Variants in MTMR8 observed in about 807,000 individuals in gnomAD.
The protein encoded by MTMR8 is phosphatidylinositol-3,5-bisphosphate 3-phosphatase MTMR8.
A neutral mutation model predicts 39.3 loss-of-function variants in MTMR8; 65 were observed. The ratio of observed to expected loss-of-function variants is 1.65; its 90% CI spans 1.35 to 2.03. MTMR8 has a LOEUF of 2.03. Among genes scored for constraint, MTMR8 ranks in the 30% most tolerant of loss-of-function variants. MTMR8 has a pLI of 0.00. For missense variants in MTMR8, 777 were observed against 538.9 expected (o/e 1.44, Z -4.37); for synonymous variants, 245 against 185.2 (o/e 1.32, Z -2.62).
At chrX:64,282,533 A>G (rs1039994504) in intron 12 of MTMR8, among the ~76,000 whole-genome samples, 35 of 111,828 alleles carry the variant, frequency 3.1e-4, no homozygotes, top group African/African-American at 1.1e-3. Context: ...GACAACAAAA[A>G]GAATAAAGTT....
intron 1 of MTMR8, among the ~76,000 whole-genome samples, chrX:64,371,467 G>A (rs1034290610): frequency 5.4e-5 from 6 of 111,247 alleles, no homozygotes; most frequent in Admixed American, 9.6e-5. Flanking sequence ...GCTATATCAC[G>A]TTTAGAAAGC....
intron 4 of MTMR8, among the ~76,000 whole-genome samples, chrX:64,354,558 C>T (rs917532031): frequency 1.8e-5 from 2 of 111,891 alleles, no homozygotes; most frequent in African/African-American, 6.5e-5. Flanking sequence ...TGCCCTGCAC[C>T]TATGCTCCCA....
At chrX:64,374,970 G>A (rs1190925319) in intron 1 of MTMR8, among the ~76,000 whole-genome samples, 7 of 107,379 alleles carry the variant, frequency 6.5e-5, no homozygotes, top group Non-Finnish European at 1.3e-4. Flanking sequence ...TCCAGAGAGA[G>A]GGCAACCCTG....
intron 12 of MTMR8, among the ~76,000 whole-genome samples, chrX:64,325,523 G>A (rs1004501715): frequency 4.4e-4 from 49 of 111,788 alleles, no homozygotes; most frequent in African/African-American, 1.5e-3. Flanking sequence ...GAACACTAAT[G>A]GAATGAAGGA....
intron 12 of MTMR8, among the ~76,000 whole-genome samples, chrX:64,301,538 C>T (rs1921875400): frequency 9.0e-6 from 1 of 111,004 alleles, no homozygotes; most frequent in African/African-American, 3.3e-5. Flanking sequence ...TCCCGTAGCT[C>T]AGAGTAATTT....
At chrX:64,291,427 C>A (rs1181038723) in intron 12 of MTMR8, among the ~76,000 whole-genome samples, 1 of 110,952 alleles carries the variant, frequency 9.0e-6, no homozygotes. Flanking sequence ...TCTGATATTC[C>A]TCTTTCTTGA....
At chrX:64,275,494 G>C (rs182574754) in intron 12 of MTMR8, among the ~76,000 whole-genome samples, 1 of 108,909 alleles carries the variant, frequency 9.2e-6, no homozygotes, top group Non-Finnish European at 1.9e-5. Flanking sequence ...CCAGGAGTTC[G>C]AGACCAGCCT....
chrX:64,387,960 T>C (rs1001254067), intron 1 of MTMR8, among the ~76,000 whole-genome samples: 4 of 111,035 alleles, frequency 3.6e-5, no homozygotes, highest in Non-Finnish European at 7.6e-5. Context: ...TGTTTTGTTA[T>C]TTCTCCACTC....
chrX:64,304,973 TATATA>T (rs1167039474), intron 12 of MTMR8: 1 of 89,625 alleles, frequency 1.1e-5, no homozygotes, highest in African/African-American at 4.4e-5. Flanking sequence ...TGTATATACA[TATATA>T]TGTATATACA....
intron 12 of MTMR8, among the ~76,000 whole-genome samples, chrX:64,302,265 A>G (rs1219752251): frequency 8.9e-6 from 1 of 112,404 alleles, no homozygotes; most frequent in Non-Finnish European, 1.9e-5. Flanking sequence ...ATATAGTCTC[A>G]TGGTGCGCCG....
At position 64,331,615 on chromosome X, in the gene MTMR8, A is replaced by G; in HGVS notation, c.1294T>C (p.Phe432Leu). 4 of 1,210,728 alleles carry G rather than the reference A, an allele frequency of 3.3e-6. No homozygotes were observed. Among genetic ancestry groups the G allele is most frequent in the Non-Finnish European group, 4.5e-6 (4 of 894,925 alleles). The change falls in exon 11 of 14, where the codon TTC (phenylalanine) becomes CTC (leucine). Residue 432 changes from phenylalanine to leucine, a missense_variant. Phe to Leu is a conservative substitution (Grantham distance 22). Transcript: ENST00000374852. Reference sequence around the variant, plus strand: ...AGGAAGTTTCCAAACTGGCAGGAGAAAACATGGTCATGAATCTCCAGCAGG... The same window carrying G: ...AGGAAGTTTCCAAACTGGCAGGAGAGAACATGGTCATGAATCTCCAGCAGG... ...NFLLEIHDHVFSCQFGNFLGN... is the reference protein window; with the variant it reads ...NFLLEIHDHVLSCQFGNFLGN...
chrX:64,371,230 A>G (rs899044108), intron 1 of MTMR8, among the ~76,000 whole-genome samples: 1 of 112,280 alleles, frequency 8.9e-6, no homozygotes, highest in Non-Finnish European at 1.9e-5. Flanking sequence ...ATTTACATTT[A>G]TAAGAAAAGC....
At chrX:64,333,801 T>A (rs975189219) in intron 10 of MTMR8, among the ~76,000 whole-genome samples, 10 of 111,957 alleles carry the variant, frequency 8.9e-5, no homozygotes, top group African/African-American at 2.9e-4. Context: ...TAAAGATCAT[T>A]AAAACCTGCA....
chrX:64,379,315 A>G (rs2147244853), intron 1 of MTMR8, among the ~76,000 whole-genome samples: 1 of 112,164 alleles, frequency 8.9e-6, no homozygotes, highest in Admixed American at 9.5e-5. Flanking sequence ...ACCAGAAAAT[A>G]CATTACTAGA....
chrX:64,345,207 A>T (rs751372004), intron 6 of MTMR8, 30 bp from the exon 7 acceptor site: 2 of 1,197,351 alleles, frequency 1.7e-6, no homozygotes, highest in Non-Finnish European at 2.3e-6. Context: ...AATAGAGCAG[A>T]TAGGCCAGAT....
At chrX:64,300,551 T>C (rs1414258621) in intron 12 of MTMR8, among the ~76,000 whole-genome samples, 1 of 107,988 alleles carries the variant, frequency 9.3e-6, no homozygotes, top group African/African-American at 3.4e-5. Context: ...CTGTGTCTTT[T>C]AATTGGAGAA....
intron 11 of MTMR8, 179 bp downstream of exon 11, chrX:64,331,378 C>T (rs1922934290): frequency 2.2e-6 from 1 of 446,127 alleles, no homozygotes; most frequent in Non-Finnish European, 4.0e-6. Context: ...GATGAGATAT[C>T]TTAGGGTTCT....
intron 6 of MTMR8, among the ~76,000 whole-genome samples, chrX:64,347,049 G>A (rs56350020): frequency 9.0e-6 from 1 of 110,857 alleles, no homozygotes; most frequent in Non-Finnish European, 1.9e-5. Context: ...GAACCAATTT[G>A]CCCAAGATGA....
Position 64,359,409 on chromosome X carries a change from GTTTCT to G in MTMR8, c.138_142del (p.Lys46AsnfsTer18). 1 of 1,202,387 alleles carries G rather than the reference GTTTCT, an allele frequency of 8.3e-7. No homozygotes were observed. The highest frequency in any genetic ancestry group is 1.1e-6 in the Non-Finnish European group (1 of 890,107). ...TACTTCTTCTCATGAACATACCCAT[GTTTCT>G]TTCCGGGCTGCACCTGAAGCCTCCA... On this transcript the variant is annotated frameshift_variant, in exon 2 of 14. Coordinates refer to ENST00000374852, the MANE Select transcript of MTMR8 (RefSeq NM_017677.4). LOFTEE classifies it high-confidence loss of function.
Sources: allele counts gnomAD v4.1 joint callset (sites outside exome capture counted in the v4.1 genomes callset), GRCh38; gene constraint gnomAD v4.1.1; transcripts MANE v1.5; gene names NCBI Gene and HGNC (gene_info 2026-07-23, HGNC 2026-07-21).